Variants in SIGLEC1 observed in about 807,000 individuals in gnomAD.
The protein encoded by SIGLEC1 is sialoadhesin.
SIGLEC1 carries 132 observed loss-of-function variants against 148.0 expected under a neutral mutation model. That is an observed-to-expected ratio of 0.89 (90% CI 0.77 to 1.03). The LOEUF (loss-of-function observed/expected upper bound fraction) is 1.03. Among genes scored for constraint, SIGLEC1 ranks in the 50% least tolerant of loss-of-function variants. SIGLEC1 has a pLI of 0.00. For synonymous variants in SIGLEC1, 945 were observed against 969.0 expected, an observed-to-expected ratio of 0.98 and a Z score of 0.46; for missense variants, 2,253 against 2,271.4, an observed-to-expected ratio of 0.99 and a Z score of 0.16.
intron 11 of SIGLEC1, among the ~76,000 whole-genome samples, chr20:3,696,126 A>ATATG (rs2088819140): frequency 8.6e-6 from 1 of 116,452 alleles, no homozygotes; most frequent in Non-Finnish European, 1.8e-5. Flanking sequence ...GAGACTATAT[A>ATATG]TATACACACA....
At position 3,706,598 on chromosome 20, in the gene SIGLEC1, T is replaced by C. The variant is rs773892101; in HGVS notation, c.158A>G (p.Asp53Gly). The change falls in exon 3 of 22, where the codon GAC (aspartate) becomes GGC (glycine). Residue 53 changes from aspartate (D) to glycine (G), a missense_variant. By Grantham distance (94) the Asp-to-Gly change is moderately conservative. Transcript: ENST00000344754. ...GTAGTACCAGATGGCCGTGATGCCG[T>C]CGGGCACCTCCACGTCGGCAGGGAA... ...FSFPADVEVPDGITAIWYYDY... is the reference protein window; with the variant it reads ...FSFPADVEVPGGITAIWYYDY... 6 of 1,610,178 alleles carry C rather than the reference T, an allele frequency of 3.7e-6. No individual in the cohort carries two copies. The Admixed American group carries it at 1.0e-4, about 27-fold the overall frequency.
intron 5 of SIGLEC1, 55 bp from the exon 6 acceptor site, chr20:3,703,506 C>A: frequency 6.5e-7 from 1 of 1,532,102 alleles, no homozygotes; most frequent in Non-Finnish European, 8.8e-7. Flanking sequence ...CCAGCCCCAG[C>A]CCCATACAGT....
chr20:3,709,269 T>C (rs147746675), intron 1 of SIGLEC1, among the ~76,000 whole-genome samples: 29 of 152,272 alleles, frequency 1.9e-4, no homozygotes, highest in African/African-American at 6.0e-4. Context: ...GAATAAACAT[T>C]TCTTCAAAGA....
At chr20:3,711,594 C>T (rs555649853) in intron 1 of SIGLEC1, among the ~76,000 whole-genome samples, 8 of 152,266 alleles carry the variant, frequency 5.3e-5, no homozygotes, top group African/African-American at 1.9e-4. Flanking sequence ...GTTACTGGCC[C>T]ACAGATAGGG....
At chr20:3,693,827 C>T in intron 13 of SIGLEC1, 129 bp from the exon 14 acceptor site, 1 of 977,278 alleles carries the variant, frequency 1.0e-6, no homozygotes, top group East Asian at 2.7e-5. Context: ...CCTTGGGTGG[C>T]CCACCTATAA....
intron 4 of SIGLEC1, 89 bp from the exon 5 acceptor site, chr20:3,704,180 T>C (rs1331960115): frequency 7.8e-7 from 1 of 1,287,150 alleles, no homozygotes; most frequent in East Asian, 2.3e-5. Flanking sequence ...AAAAGCTCAG[T>C]CCTAAGGAAG....
chr20:3,694,885 CT>C lies in SIGLEC1; in HGVS notation c.2721del (p.Glu908ArgfsTer7). On this transcript the variant is annotated frameshift_variant, in exon 12 of 22. Coordinates refer to ENST00000344754, the MANE Select transcript of SIGLEC1 (RefSeq NM_023068.4). LOFTEE classifies it high-confidence loss of function. ...CAGCTCAGGACCACAGCCTGGCCCT[CT>C]TGGAGCTCAGGTGATGGTGACACCT... ...WVQVSPSPEL[Q>X]EGQAVVLSCQ... is the part of the protein sequence containing the mutation. 2.5e-6 allele frequency: 4 copies of C among 1,613,158 alleles called. No individual in the cohort carries two copies. Among genetic ancestry groups the C allele is most frequent in the Non-Finnish European group, 2.5e-6 (3 of 1,179,960 alleles).
intron 16 of SIGLEC1, 40 bp from the exon 17 acceptor site, chr20:3,692,242 C>T (rs774695080): frequency 2.0e-6 from 3 of 1,495,720 alleles, no homozygotes; most frequent in Non-Finnish European, 8.9e-7. Context: ...CTTGCTTAGG[C>T]ACCCTGTACT....
chr20:3,704,887 G>A (rs2087881047), intron 4 of SIGLEC1, among the ~76,000 whole-genome samples: 1 of 152,232 alleles, frequency 6.6e-6, no homozygotes, highest in Non-Finnish European at 1.5e-5. Flanking sequence ...GCCTCCCAAA[G>A]CACTGGGGTT....
At chr20:3,694,964 C>T (rs1056630593) in intron 11 of SIGLEC1, 41 bp from the exon 12 acceptor site, 4 of 1,583,572 alleles carry the variant, frequency 2.5e-6, no homozygotes, top group African/African-American at 2.7e-5. Context: ...CTCTCCACCA[C>T]ACCTCTCACA....
intron 11 of SIGLEC1, among the ~76,000 whole-genome samples, chr20:3,696,359 AAGCCACTCTGT>A (rs2088822195): frequency 6.6e-6 from 1 of 152,224 alleles, no homozygotes; most frequent in Non-Finnish European, 1.5e-5. Context: ...CCCACCAAGC[AAGCCACTCTGT>A]GAATTGCCAT....
chr20:3,706,572 C>A lies in SIGLEC1; in HGVS notation c.184G>T (p.Asp62Tyr). 2 of 1,612,648 alleles carry A rather than the reference C, an allele frequency of 1.2e-6. No individual in the cohort carries two copies. Among genetic ancestry groups the A allele is most frequent in the Non-Finnish European group, 1.7e-6 (2 of 1,179,764 alleles). The change falls in exon 3 of 22, where the codon GAC becomes TAC. Residue 62 changes from aspartate to tyrosine, a missense_variant. By Grantham distance (160) the Asp-to-Tyr change is radical. Coordinates refer to ENST00000344754, the MANE Select transcript of SIGLEC1 (RefSeq NM_023068.4). ...PDGITAIWYY[D>Y]YSGQRQVVSH... ...ACCACCTGCCGCTGGCCCGAGTAGT[C>A]GTAGTACCAGATGGCCGTGATGCCG...
Position 3,688,386 on chromosome 20 carries a change from C to G in SIGLEC1, c.*174G>C. ...AACACCCTCCTGGGCAGACCTCTCA[C>G]CACCCATTTTTGGGGGGGCAAGAGG... On this transcript the variant is annotated 3_prime_UTR_variant, in exon 22 of 22. Coordinates refer to ENST00000344754, the MANE Select transcript of SIGLEC1 (RefSeq NM_023068.4). The G allele has an allele frequency of 1.5e-6, 1 of 672,916 alleles. No individual in the cohort carries two copies. Among genetic ancestry groups the G allele is most frequent in the Non-Finnish European group, 2.7e-6 (1 of 370,026 alleles). 41.7% of individuals were successfully genotyped at this position (672,916 alleles called of 1,614,324 possible).
intron 15 of SIGLEC1, 38 bp from the exon 16 acceptor site, chr20:3,692,810 G>A (rs775488786): frequency 6.2e-7 from 1 of 1,601,140 alleles, no homozygotes. Context: ...GGCCCAGCCG[G>A]ACACCACAGT....
intron 6 of SIGLEC1, among the ~76,000 whole-genome samples, chr20:3,702,312 G>A (rs2087858423): frequency 6.6e-6 from 1 of 152,200 alleles, no homozygotes; most frequent in Non-Finnish European, 1.5e-5. Context: ...TCAGCCAGGT[G>A]TAGTGGCTCA....
chr20:3,704,898 AC>A (rs2087881164), intron 4 of SIGLEC1, among the ~76,000 whole-genome samples: 1 of 152,236 alleles, frequency 6.6e-6, no homozygotes, highest in Non-Finnish European at 1.5e-5. Context: ...CACTGGGGTT[AC>A]AGGTGTGAGC....
chr20:3,692,182 G>A lies in SIGLEC1; in HGVS notation c.4051C>T (p.Leu1351=). 1.3e-6 allele frequency: 2 copies of A among 1,566,574 alleles called. No individual in the cohort carries two copies. Among genetic ancestry groups the A allele is most frequent in the Non-Finnish European group, 8.7e-7 (1 of 1,154,370 alleles). Residue 1351 remains leucine, a synonymous_variant, in exon 17 of 22, where the codon CTG becomes TTG. Transcript: ENST00000344754. The part of the protein sequence containing the change: ...QVLYAPQDAV[L]SSFRDSRARS... The stretch of plus-strand genomic sequence containing the variant: ...GCCCTGGAGTCCCGGAAGGAGGACA[G>A]GACAGCGTCCTGAGGGGCATCTGTG...
chr20:3,710,862 G>A lies in SIGLEC1; in HGVS notation c.-110+1608C>T, dbSNP rs1319609471. On this transcript the variant is annotated intron_variant, in intron 1 of 21. Coordinates refer to ENST00000344754, the MANE Select transcript of SIGLEC1 (RefSeq NM_023068.4). This position sits in a 1 kb window ranked among gnomAD's most constrained non-coding sequence, Gnocchi z 4.6. Reference sequence around the variant, plus strand: ...CCCGGCCCTAACCCCAAAGGGGTCAGCCCCACCGGAATCCAGCCTATTGGC... The same window carrying A: ...CCCGGCCCTAACCCCAAAGGGGTCAACCCCACCGGAATCCAGCCTATTGGC... Among the ~76,000 whole-genome samples, 1 of 152,214 alleles carries A rather than the reference G, an allele frequency of 6.6e-6. No homozygotes were observed. The highest frequency in any genetic ancestry group is 1.9e-4 in the East Asian group (1 of 5,192).
chr20:3,694,380 C>T lies in SIGLEC1; in HGVS notation c.3097G>A (p.Gly1033Arg), dbSNP rs765844220. Residue 1033 changes from glycine to arginine, a missense_variant, in exon 13 of 22, where the codon GGA (glycine) becomes AGA (arginine). Coordinates refer to ENST00000344754, the MANE Select transcript of SIGLEC1 (RefSeq NM_023068.4). ...LVASTLQGVG[G>R]PEGSSPRLHV... ...AGCCTGGGAGAGCTGCCTTCGGGTC[C>T]CCCCACACCTTGTAGGGTGGAGGCC... 1.3e-5 allele frequency: 21 copies of T among 1,613,150 alleles called. No individual in the cohort carries two copies. Among genetic ancestry groups the T allele is most frequent in the Non-Finnish European group, 1.7e-5 (20 of 1,179,896 alleles).
Sources: gnomAD v4.1 joint callset for allele counts (sites outside exome capture counted in the v4.1 genomes callset) on GRCh38, gnomAD v4.1.1 for gene constraint, Gnocchi (gnomAD v3.1) non-coding constraint, MANE v1.5 for transcripts, NCBI Gene and HGNC (gene_info 2026-07-23, HGNC 2026-07-21) for gene names.